The following RBMS3 variants were observed in gnomAD, a reference collection of about 807,000 sequenced individuals.
The protein encoded by RBMS3 is RNA binding motif single stranded interacting protein 3.
In RBMS3, 27 loss-of-function variants were observed where a neutral mutation model predicts 66.8. The observed-to-expected ratio is 0.40, with a 90% CI of 0.30 to 0.56. The LOEUF is 0.56. Ranked by LOEUF, RBMS3 falls within the 20% of genes least tolerant of loss-of-function variation. The pLI, the probability that RBMS3 is intolerant of heterozygous loss-of-function variation, is 0.40. For synonymous variants in RBMS3, 188 were observed against 183.0 expected (o/e 1.03, Z -0.22); for missense variants, 513 against 549.5 (o/e 0.93, Z 0.66).
intron 1 of RBMS3, among the ~76,000 whole-genome samples, chr3:29,397,134 T>G (rs2039588676): frequency 6.6e-6 from 1 of 152,174 alleles, no homozygotes; most frequent in Non-Finnish European, 1.5e-5. Context: ...AAGGGAGAAC[T>G]GCAGATAGAG....
At chr3:29,854,599 G>T (rs1398448567) in intron 6 of RBMS3, among the ~76,000 whole-genome samples, 2 of 152,184 alleles carry the variant, frequency 1.3e-5, no homozygotes, top group African/African-American at 2.4e-5. Context: ...AGAAAGGAAG[G>T]TTGACTTGAT....
chr3:29,417,566 G>A lies in RBMS3; in HGVS notation c.76-17177G>A, dbSNP rs116366062. On this transcript the variant is annotated intron_variant, in intron 1 of 14. Transcript: ENST00000383767. ...ATATATTGGTATCCCTTAGTATGCTGTACCCTAATTCCAGTTAAAAAGAAT... is the reference window on the plus strand; with the variant it reads ...ATATATTGGTATCCCTTAGTATGCTATACCCTAATTCCAGTTAAAAAGAAT... Among the ~76,000 whole-genome samples the A allele has an allele frequency of 2.5e-3, 377 of 152,190 alleles. 1 individual carries two copies. The highest frequency in any genetic ancestry group is 4.2e-3 in the Non-Finnish European group (285 of 67,978).
chr3:29,888,532 C>T (rs995037434), intron 8 of RBMS3, among the ~76,000 whole-genome samples: 2 of 151,606 alleles, frequency 1.3e-5, no homozygotes, highest in Non-Finnish European at 3.0e-5. Context: ...TAGTTGCTCT[C>T]GTCTACCTCT....
Position 29,303,937 on chromosome 3 carries a change from C to T in RBMS3, c.75+22181C>T, listed in dbSNP as rs114914459. Among the ~76,000 whole-genome samples, 840 of 152,002 alleles carry T rather than the reference C, an allele frequency of 5.5e-3. 7 individuals are homozygous for T. Among genetic ancestry groups the T allele is most frequent in the Middle Eastern group, 0.01 (3 of 294 alleles). On this transcript the variant is annotated intron_variant, in intron 1 of 14. Coordinates refer to ENST00000383767, the MANE Select transcript of RBMS3 (RefSeq NM_001003793.3). ...GAGAAAAATGAGGAAGATGCAAAAG[C>T]GGAAACCCCTGTTAAAACCATCAGC...
In RBMS3 at chr3:29,562,238, T is replaced by C. The variant is rs117348582; in HGVS notation, c.308-24876T>C. ...CTGGATGGGCCCTGCAATAAACTGA[T>C]ATAAGCATGAGCAAACTGAAGAAAA... On this transcript the variant is annotated intron_variant, in intron 3 of 14. Transcript: ENST00000383767. Among the ~76,000 whole-genome samples, 872 of 152,232 alleles carry C rather than the reference T, an allele frequency of 5.7e-3. 46 individuals are homozygous for C. The East Asian group carries it at 0.12, about 21-fold the overall frequency.
chr3:29,999,363 C>T (rs1479383649), intron 14 of RBMS3, among the ~76,000 whole-genome samples: 1 of 152,198 alleles, frequency 6.6e-6, no homozygotes, highest in Non-Finnish European at 1.5e-5. Flanking sequence ...GGTGATTCCT[C>T]AGGGATCTAG....
chr3:29,543,663 T>C (rs754889321), intron 3 of RBMS3, among the ~76,000 whole-genome samples: 37 of 152,236 alleles, frequency 2.4e-4, no homozygotes, highest in Non-Finnish European at 1.9e-4. Context: ...TGAACTGAGA[T>C]TGTACCACTG....
At chr3:29,941,828 AC>A (rs2061400685) in intron 11 of RBMS3, among the ~76,000 whole-genome samples, 1 of 151,856 alleles carries the variant, frequency 6.6e-6, no homozygotes, top group Admixed American at 6.6e-5. Flanking sequence ...ATATACATGT[AC>A]ATATATCCCA....
intron 6 of RBMS3, among the ~76,000 whole-genome samples, chr3:29,781,257 G>A (rs1406182565): frequency 3.0e-5 from 4 of 133,408 alleles, no homozygotes; most frequent in Admixed American, 2.4e-4. Context: ...TATCCTTGTA[G>A]TTTTCTCTTT....
intron 4 of RBMS3, among the ~76,000 whole-genome samples, chr3:29,709,923 A>C (rs2149304557): frequency 6.6e-6 from 1 of 152,352 alleles, no homozygotes; most frequent in South Asian, 2.1e-4. Flanking sequence ...AAAAGGAAAT[A>C]GAGTAGATAT....
intron 10 of RBMS3, among the ~76,000 whole-genome samples, chr3:29,928,205 T>TAC (rs1348801229): frequency 7.5e-4 from 84 of 112,418 alleles, no homozygotes; most frequent in East Asian, 6.3e-3. Flanking sequence ...TATATATATA[T>TAC]ATATATACAC....
intron 4 of RBMS3, among the ~76,000 whole-genome samples, chr3:29,651,257 T>C (rs368861879): frequency 5.3e-5 from 8 of 152,324 alleles, no homozygotes; most frequent in African/African-American, 1.9e-4. Context: ...ACATGTTCAG[T>C]GTGTTCTATC....
At chr3:29,942,441 T>C (rs2061413513) in intron 11 of RBMS3, among the ~76,000 whole-genome samples, 1 of 151,720 alleles carries the variant, frequency 6.6e-6, no homozygotes, top group East Asian at 1.9e-4. Context: ...GAAGATCAAC[T>C]AAGCCCAGGA....
At chr3:29,488,140 A>T (rs1183779804) in intron 2 of RBMS3, among the ~76,000 whole-genome samples, 2 of 152,368 alleles carry the variant, frequency 1.3e-5, no homozygotes, top group East Asian at 3.9e-4. Context: ...GCTTTCTTCC[A>T]TGAATCCACA....
At chr3:29,556,328 G>A (rs1437052564) in intron 3 of RBMS3, 1 of 152,348 alleles carries the variant, frequency 6.6e-6, no homozygotes, top group African/African-American at 2.4e-5. Flanking sequence ...GGTAAGCCGG[G>A]CGCGGTGGCT....
intron 1 of RBMS3, among the ~76,000 whole-genome samples, chr3:29,324,777 T>C (rs1186046253): frequency 6.6e-6 from 1 of 152,102 alleles, no homozygotes; most frequent in Admixed American, 6.6e-5. Context: ...TCTCTTTCCT[T>C]CTTTCTCTTT....
intron 10 of RBMS3, among the ~76,000 whole-genome samples, chr3:29,935,189 A>G (rs1391929749): frequency 6.6e-6 from 1 of 152,120 alleles, no homozygotes; most frequent in Non-Finnish European, 1.5e-5. Flanking sequence ...CAAGTTAATT[A>G]CTGCAAGGAA....
chr3:29,857,379 A>G (rs1290775454), intron 6 of RBMS3, among the ~76,000 whole-genome samples: 1 of 82,788 alleles, frequency 1.2e-5, no homozygotes, highest in African/African-American at 4.6e-5. Context: ...CCCCACCCCC[A>G]CCCCCACGGG....
intron 3 of RBMS3, among the ~76,000 whole-genome samples, chr3:29,547,411 C>T (rs548183194): frequency 3.6e-4 from 55 of 152,108 alleles, no homozygotes; most frequent in African/African-American, 1.3e-3. Context: ...CAGAAAGATC[C>T]TGAGCAGCTG....
Sources: gnomAD v4.1 joint callset for allele counts (sites outside exome capture counted in the v4.1 genomes callset) on GRCh38, gnomAD v4.1.1 for gene constraint, MANE v1.5 for transcripts, NCBI Gene and HGNC (gene_info 2026-07-23, HGNC 2026-07-21) for gene names.